The following PLD5 variants were observed in gnomAD, a reference collection of about 807,000 sequenced individuals.
The protein encoded by PLD5 is phospholipase D family member 5.
PLD5 carries 36 observed loss-of-function variants against 61.1 expected under a neutral mutation model. The ratio of observed to expected loss-of-function variants is 0.59; its 90% confidence interval spans 0.45 to 0.78. The LOEUF is 0.78. PLD5 is among the 30% of genes least tolerant of loss of function. PLD5 has a pLI of 0.00. For synonymous variants in PLD5, 243 were observed against 242.8 expected, an observed-to-expected ratio of 1.00 and a Z score of -0.01; for missense variants, 515 against 644.4, an observed-to-expected ratio of 0.80 and a Z score of 2.17.
intron 4 of PLD5, among the ~76,000 whole-genome samples, chr1:242,230,057 AG>A (rs1456363409): frequency 1.3e-5 from 2 of 152,138 alleles, no homozygotes; most frequent in Non-Finnish European, 2.9e-5. Context: ...TTTAGTCGGT[AG>A]AGGCCAGAGA....
chr1:242,258,360 CCT>C (rs2149093940), intron 4 of PLD5, among the ~76,000 whole-genome samples: 2 of 152,268 alleles, frequency 1.3e-5, no homozygotes, highest in East Asian at 3.9e-4. Flanking sequence ...TTAGAATCTA[CCT>C]CTCTCAGTGT....
chr1:242,173,072 A>G (rs1010506232), intron 5 of PLD5, among the ~76,000 whole-genome samples: 13 of 152,112 alleles, frequency 8.5e-5, no homozygotes, highest in African/African-American at 2.9e-4. Context: ...GGCAGGAGAA[A>G]GAAATAAAGG....
At chr1:242,438,439 C>CT (rs1171422837) in intron 1 of PLD5, among the ~76,000 whole-genome samples, 4,882 of 120,512 alleles carry the variant, frequency 0.041, 272 homozygotes, top group Middle Eastern at 0.074. Flanking sequence ...AATTTTTTTT[C>CT]TTTTTTTTTT....
chr1:242,087,089 A>C lies in PLD5; in HGVS notation c.*2765T>G, dbSNP rs2148634344. The C allele has an allele frequency of 2.0e-5, 3 of 152,320 alleles. No homozygotes were observed. Among genetic ancestry groups the C allele is most frequent in the Middle Eastern group, 3.4e-3 (1 of 294 alleles). 9.4% of individuals were successfully genotyped at this position (152,320 alleles called of 1,614,324 possible). On this transcript the variant is annotated 3_prime_UTR_variant, in exon 10 of 10. Coordinates refer to ENST00000536534, the MANE Select transcript of PLD5 (RefSeq NM_001372062.1). Reference sequence around the variant, plus strand: ...TAGCTAAAGCATCCAAATGAAAGAAAGTTCTGCAGAATGAAATGTTCTCTT... The same window carrying C: ...TAGCTAAAGCATCCAAATGAAAGAACGTTCTGCAGAATGAAATGTTCTCTT...
chr1:242,196,691 G>C (rs546652006), intron 5 of PLD5, among the ~76,000 whole-genome samples: 1 of 151,954 alleles, frequency 6.6e-6, no homozygotes, highest in East Asian at 1.9e-4. Context: ...TGTGCACACT[G>C]TACACTAACA....
chr1:242,313,806 T>TTCACTGG (rs1553348011), intron 2 of PLD5, among the ~76,000 whole-genome samples: 6 of 22,628 alleles, frequency 2.7e-4, no homozygotes, highest in African/African-American at 3.3e-4. Flanking sequence ...GAGAATGTGC[T>TTCACTGG]TCATTGATCT....
chr1:242,212,346 A>AAATCTGATT (rs1296609837), intron 5 of PLD5, among the ~76,000 whole-genome samples: 2 of 152,262 alleles, frequency 1.3e-5, no homozygotes, highest in African/African-American at 4.8e-5. Context: ...AATCAGATGT[A>AAATCTGATT]TAAACCCATT....
Position 242,085,928 on chromosome 1 carries a change from G to T in PLD5, c.*3926C>A, listed in dbSNP as rs1298403059. On this transcript the variant is annotated 3_prime_UTR_variant, in exon 10 of 10. Transcript: ENST00000536534. ...GAATTCCTGAGACAGATAGACCCTGGATCTGATCTTATCAAGAAATTCTTA... is the reference window on the plus strand; with the variant it reads ...GAATTCCTGAGACAGATAGACCCTGTATCTGATCTTATCAAGAAATTCTTA... 6.6e-6 allele frequency: 1 copy of T among 151,720 alleles called. No individual in the cohort carries two copies. The highest frequency in any genetic ancestry group is 1.5e-5 in the Non-Finnish European group (1 of 67,964). 9.4% of individuals were successfully genotyped at this position (151,720 alleles called of 1,614,324 possible). A position where few individuals can be genotyped will look rare whatever the true frequency, so the allele number is the denominator to read the frequency against.
chr1:242,400,188 G>GAAAAAA (rs113690368), intron 1 of PLD5, among the ~76,000 whole-genome samples: 1 of 137,368 alleles, frequency 7.3e-6, no homozygotes, highest in Non-Finnish European at 1.5e-5. Flanking sequence ...CAAAAGAAAA[G>GAAAAAA]AAAAAAAAAA....
chr1:242,276,051 G>C (rs1442053346), intron 3 of PLD5, among the ~76,000 whole-genome samples: 1 of 152,150 alleles, frequency 6.6e-6, no homozygotes, highest in Non-Finnish European at 1.5e-5. Context: ...AAAAAAACTG[G>C]AAAGAGCTGG....
At chr1:242,101,255 C>T (rs1235035953) in intron 8 of PLD5, among the ~76,000 whole-genome samples, 1 of 151,236 alleles carries the variant, frequency 6.6e-6, no homozygotes, top group Non-Finnish European at 1.5e-5. Flanking sequence ...AACATAGGAA[C>T]AAATACTTTT....
At chr1:242,113,091 T>C (rs1024023169) in intron 7 of PLD5, among the ~76,000 whole-genome samples, 8 of 32,372 alleles carry the variant, frequency 2.5e-4, no homozygotes, top group African/African-American at 5.1e-4. Context: ...TCTCTTTTTT[T>C]TTTTTTTTTT....
At chr1:242,408,540 T>C (rs1433841863) in intron 1 of PLD5, among the ~76,000 whole-genome samples, 1 of 152,188 alleles carries the variant, frequency 6.6e-6, no homozygotes, top group African/African-American at 2.4e-5. Flanking sequence ...CCTCCCCTCA[T>C]TGCTCTCTCG....
intron 1 of PLD5, among the ~76,000 whole-genome samples, chr1:242,388,138 TCTC>T (rs751155464): frequency 6.6e-6 from 1 of 152,178 alleles, no homozygotes; most frequent in Non-Finnish European, 1.5e-5. Flanking sequence ...GTTGTCGTCT[TCTC>T]CTTCTTCAAT....
At position 242,509,365 on chromosome 1, in the gene PLD5, C is replaced by G. The variant is rs374121971; in HGVS notation, c.189+14723G>C. On this transcript the variant is annotated intron_variant, in intron 1 of 9. Transcript: ENST00000536534. The stretch of plus-strand genomic sequence containing the variant: ...CTGCACTCCAGTCTGGGTGACAGAG[C>G]AAGACTCCATTTTAATAAATAAATA... 1.9e-4 allele frequency among the ~76,000 whole-genome samples: 29 copies of G among 152,230 alleles called. No individual in the cohort carries two copies. In the East Asian group the frequency reaches 5.4e-3, roughly 28 times the overall value.
intron 5 of PLD5, among the ~76,000 whole-genome samples, chr1:242,205,904 A>C (rs1324686492): frequency 6.6e-6 from 1 of 152,178 alleles, no homozygotes; most frequent in African/African-American, 2.4e-5. Flanking sequence ...GGAGAAAATC[A>C]AAGGTGCTTT....
At chr1:242,171,798 A>C (rs2148878224) in intron 5 of PLD5, among the ~76,000 whole-genome samples, 1 of 152,314 alleles carries the variant, frequency 6.6e-6, no homozygotes, top group South Asian at 2.1e-4. Context: ...AAAGACAAAG[A>C]AGGGCATTAC....
chr1:242,470,335 C>A (rs569230454), intron 1 of PLD5, among the ~76,000 whole-genome samples: 1 of 146,322 alleles, frequency 6.8e-6, no homozygotes, highest in Admixed American at 6.9e-5. Context: ...GAGCGACACT[C>A]GGTCTCAAAG....
rs142213459 is a variant in PLD5, at chr1:242,168,456, ATAAG to A, written c.736-43795_736-43792del. Among the ~76,000 whole-genome samples, 1,172 of 152,326 alleles carry A rather than the reference ATAAG, an allele frequency of 7.7e-3. 16 individuals are homozygous for A. Among genetic ancestry groups the A allele is most frequent in the African/African-American group, 0.026 (1,091 of 41,564 alleles). ...TTTTCTTAAGTCCAAGTTTATAGTAATAAGTAAGAATATATATAATAATTCCTTA... is the reference window on the plus strand; with the variant it reads ...TTTTCTTAAGTCCAAGTTTATAGTAATAAGAATATATATAATAATTCCTTA... On this transcript the variant is annotated intron_variant, in intron 5 of 9. Coordinates refer to ENST00000536534, the MANE Select transcript of PLD5 (RefSeq NM_001372062.1).
Sources: gnomAD v4.1 joint callset for allele counts (sites outside exome capture counted in the v4.1 genomes callset) on GRCh38, gnomAD v4.1.1 for gene constraint, MANE v1.5 for transcripts, NCBI Gene and HGNC (gene_info 2026-07-23, HGNC 2026-07-21) for gene names.